Variants in RAB23 observed in about 807,000 individuals in gnomAD.
RAB23 encodes the protein ras-related protein Rab-23.
A neutral mutation model predicts 30.0 loss-of-function variants in RAB23; 15 were observed. That is an observed-to-expected ratio of 0.50 (90% CI 0.33 to 0.77). RAB23 has a LOEUF of 0.77. Among genes scored for constraint, RAB23 ranks in the 30% least tolerant of loss-of-function variants. The pLI, the probability that RAB23 is intolerant of heterozygous loss-of-function variation, is 0.02. For synonymous variants in RAB23, 93 were observed against 94.0 expected (o/e 0.99, Z 0.06); for missense variants, 243 against 275.4 (o/e 0.88, Z 0.83).
At chr6:57,204,455 T>G (rs1765382462) in intron 3 of RAB23, among the ~76,000 whole-genome samples, 1 of 152,222 alleles carries the variant, frequency 6.6e-6, no homozygotes, top group East Asian at 1.9e-4. Flanking sequence ...TATACATAAC[T>G]ATTATTTCAG....
chr6:57,214,387 T>C (rs1164861974), intron 1 of RAB23, among the ~76,000 whole-genome samples: 3 of 152,076 alleles, frequency 2.0e-5, no homozygotes. Context: ...TGAACACAGC[T>C]CACTGCAGCC....
intron 1 of RAB23, among the ~76,000 whole-genome samples, chr6:57,211,007 C>T (rs981825612): frequency 6.6e-6 from 1 of 152,212 alleles, no homozygotes; most frequent in Non-Finnish European, 1.5e-5. Context: ...TGATAGGTCA[C>T]AGTCAAAGCA....
chr6:57,215,100 G>C (rs1765789556), intron 1 of RAB23, among the ~76,000 whole-genome samples: 1 of 152,122 alleles, frequency 6.6e-6, no homozygotes, highest in East Asian at 1.9e-4. Context: ...TAGTGAACTT[G>C]AACATACAAT....
chr6:57,190,237 G>T lies in RAB23; in HGVS notation c.*224C>A, dbSNP rs1764785985. The T allele has an allele frequency of 9.9e-6, 5 of 505,372 alleles. No individual in the cohort carries two copies. The highest frequency in any genetic ancestry group is 9.4e-5 in the South Asian group (4 of 42,760). The allele number at this position is 505,372 out of a possible 1,614,324, so 31.3% of individuals were successfully genotyped here. On this transcript the variant is annotated 3_prime_UTR_variant, in exon 7 of 7. Coordinates refer to ENST00000468148, the MANE Select transcript of RAB23 (RefSeq NM_016277.5). Reference sequence around the variant, plus strand: ...TTCCTTTACAAACAGGAGAAGCTTCGTCTAATGTAAAAAAAATTAAAGGAG... The same window carrying T: ...TTCCTTTACAAACAGGAGAAGCTTCTTCTAATGTAAAAAAAATTAAAGGAG...
rs987311561 is a variant in RAB23 at position 57,222,108 on chromosome 6, C to T, written c.-448G>A. 1 of 152,352 alleles carries T rather than the reference C, an allele frequency of 6.6e-6. No homozygotes were observed. The highest frequency in any genetic ancestry group is 2.4e-5 in the African/African-American group (1 of 41,472). 9.4% of individuals were successfully genotyped at this position (152,352 alleles called of 1,614,324 possible). ...AACCGCTGCCGCCGCTGTCTCCTCC[C>T]GACGCGCCAGCTCTCCCTGCGGGGC... On this transcript the variant is annotated 5_prime_UTR_variant, in exon 1 of 7. Transcript: ENST00000468148.
In RAB23 at chr6:57,196,617, ACAAT is replaced by A. The variant is rs45542438; in HGVS notation, c.242-15_242-12del. 1.1e-4 allele frequency: 171 copies of A among 1,612,134 alleles called. 1 individual carries two copies. Among genetic ancestry groups the A allele is most frequent in the African/African-American group, 9.9e-4 (74 of 74,972 alleles). ...CACAAGCCTGGGCTCCTGTAAGTTC[ACAAT>A]CAATCAATCAATCAATCAAGGTATT... On this transcript the variant is annotated splice_polypyrimidine_tract_variant and intron_variant, in intron 3 of 6. Transcript: ENST00000468148.
intron 3 of RAB23, among the ~76,000 whole-genome samples, chr6:57,204,097 T>C (rs1423871115): frequency 6.6e-6 from 1 of 152,202 alleles, no homozygotes; most frequent in African/African-American, 2.4e-5. Context: ...AAAAGTTACA[T>C]GAATTCACCC....
At chr6:57,194,913 A>T in intron 4 of RAB23, 61 bp from the exon 5 acceptor site, 2 of 1,206,040 alleles carry the variant, frequency 1.7e-6, no homozygotes, top group South Asian at 1.2e-5. Flanking sequence ...TTGTTTTTTA[A>T]ATCACTTTTA....
At chr6:57,193,791 G>GT (rs757860084) in intron 6 of RAB23, 51 bp downstream of exon 6, 28 of 1,596,312 alleles carry the variant, frequency 1.8e-5, no homozygotes, top group Non-Finnish European at 2.2e-5. Context: ...TATTATATGT[G>GT]TTTTTTAACT....
chr6:57,212,475 A>G (rs1424172631), intron 1 of RAB23, among the ~76,000 whole-genome samples: 2 of 152,148 alleles, frequency 1.3e-5, no homozygotes, highest in Non-Finnish European at 2.9e-5. Flanking sequence ...TTCCTGGAGA[A>G]CTCAAATGGA....
intron 3 of RAB23, among the ~76,000 whole-genome samples, chr6:57,201,655 A>G (rs1258642969): frequency 6.6e-6 from 1 of 152,250 alleles, no homozygotes; most frequent in African/African-American, 2.4e-5. Flanking sequence ...CATAAAACTT[A>G]TATTAAATAA....
chr6:57,198,779 T>C (rs916334545), intron 3 of RAB23, among the ~76,000 whole-genome samples: 2 of 151,970 alleles, frequency 1.3e-5, no homozygotes, highest in Admixed American at 1.3e-4. Context: ...GAGGGCACAA[T>C]AGGGTATTTC....
In RAB23 at chr6:57,190,099, T is replaced by C; in HGVS notation, c.*362A>G. The C allele has an allele frequency of 4.6e-6, 1 of 218,572 alleles. No homozygotes were observed. The highest frequency in any genetic ancestry group is 9.2e-6 in the Non-Finnish European group (1 of 108,288). 13.5% of individuals were successfully genotyped at this position (218,572 alleles called of 1,614,324 possible). ...CCAATTTCAGGAAAAGAATGCTTGC[T>C]ATCTTTCCTTGATCCACAGTATTAA... On this transcript the variant is annotated 3_prime_UTR_variant, in exon 7 of 7. Transcript: ENST00000468148.
intron 5 of RAB23, 139 bp downstream of exon 5, chr6:57,194,631 A>T: frequency 1.6e-6 from 1 of 633,742 alleles, no homozygotes; most frequent in South Asian, 2.1e-5. Flanking sequence ...AAAGAAGTAG[A>T]AAGCCTTTAA....
chr6:57,204,266 ATAT>A (rs1225382934), intron 3 of RAB23, among the ~76,000 whole-genome samples: 1 of 152,190 alleles, frequency 6.6e-6, no homozygotes, highest in African/African-American at 2.4e-5. Context: ...TGGAACTTTC[ATAT>A]ATATAGATTT....
At chr6:57,199,543 G>A (rs557835404) in intron 3 of RAB23, among the ~76,000 whole-genome samples, 1 of 152,280 alleles carries the variant, frequency 6.6e-6, no homozygotes, top group East Asian at 1.9e-4. Flanking sequence ...ATAAGAGAAT[G>A]TATGACTATT....
Position 57,193,888 on chromosome 6 carries a change from T to C in RAB23, c.528A>G (p.Gln176=). ...AEKYLQKLKQ[Q]IAEDPELTHS... Reference sequence around the variant, plus strand: ...GCGTTAGTTCTGGATCCTCAGCTATTTGTTGTTTGAGTTTCTGAAGGTATT... The same window carrying C: ...GCGTTAGTTCTGGATCCTCAGCTATCTGTTGTTTGAGTTTCTGAAGGTATT... Residue 176 remains glutamine (Q), a synonymous_variant, in exon 6 of 7, where the codon CAA becomes CAG. Transcript: ENST00000468148. 5 of 1,613,008 alleles carry C rather than the reference T, an allele frequency of 3.1e-6. No homozygotes were observed. The highest frequency in any genetic ancestry group is 4.2e-6 in the Non-Finnish European group (5 of 1,179,338).
intron 3 of RAB23, 50 bp downstream of exon 3, chr6:57,207,578 G>C (rs758352485): frequency 1.5e-6 from 2 of 1,331,208 alleles, no homozygotes; most frequent in Non-Finnish European, 2.2e-6. Context: ...TATTTATTTA[G>C]CCAAAATAAT....
At chr6:57,194,703 A>T (rs191295861) in intron 5 of RAB23, 67 bp downstream of exon 5, 74 of 1,168,558 alleles carry the variant, frequency 6.3e-5, no homozygotes, top group Non-Finnish European at 9.0e-5. Context: ...ATTTCTAAAC[A>T]ACACAATTTT....
Sources: gnomAD v4.1 joint callset for allele counts (sites outside exome capture counted in the v4.1 genomes callset) on GRCh38, gnomAD v4.1.1 for gene constraint, MANE v1.5 for transcripts, NCBI Gene and HGNC (gene_info 2026-07-23, HGNC 2026-07-21) for gene names.